Variants in CFAP299 observed in about 807,000 individuals in gnomAD.
CFAP299 encodes cilia- and flagella-associated protein 299.
CFAP299 carries 21 observed loss-of-function variants against 27.0 expected under a neutral mutation model. That is an observed-to-expected ratio of 0.78 (90% CI 0.55 to 1.12). The LOEUF (loss-of-function observed/expected upper bound fraction) is 1.12, where lower values mean the gene tolerates loss of function less well. Among genes scored for constraint, CFAP299 ranks in the 50% most tolerant of loss-of-function variants. CFAP299 has a pLI of 0.00. For synonymous variants in CFAP299, 104 were observed against 98.1 expected (o/e 1.06, Z -0.36); for missense variants, 310 against 276.6 (o/e 1.12, Z -0.86).
At chr4:80,394,242 T>C (rs1725652895) in intron 2 of CFAP299, among the ~76,000 whole-genome samples, 1 of 152,170 alleles carries the variant, frequency 6.6e-6, no homozygotes, top group Non-Finnish European at 1.5e-5. Flanking sequence ...ATGTCTTCTT[T>C]TGAAAAATAT....
intron 2 of CFAP299, among the ~76,000 whole-genome samples, chr4:80,451,247 C>T (rs913763194): frequency 2.6e-5 from 4 of 152,172 alleles, no homozygotes; most frequent in Non-Finnish European, 5.9e-5. Context: ...TGTGCAAGCA[C>T]ATAGCTGATA....
At chr4:80,761,040 G>C (rs774329399) in intron 3 of CFAP299, among the ~76,000 whole-genome samples, 24 of 151,994 alleles carry the variant, frequency 1.6e-4, no homozygotes, top group Non-Finnish European at 3.1e-4. Flanking sequence ...TTGTAAATTG[G>C]GCTATAAATG....
intron 3 of CFAP299, among the ~76,000 whole-genome samples, chr4:80,624,283 A>G (rs934507570): frequency 1.3e-5 from 2 of 152,132 alleles, no homozygotes; most frequent in African/African-American, 4.8e-5. Flanking sequence ...CCAGAATGAT[A>G]ATAATAGAGA....
At chr4:80,869,539 A>G (rs1732952420) in intron 3 of CFAP299, among the ~76,000 whole-genome samples, 1 of 152,142 alleles carries the variant, frequency 6.6e-6, no homozygotes, top group Non-Finnish European at 1.5e-5. Flanking sequence ...TTGGAGACGG[A>G]GTCTTGGTCT....
intron 2 of CFAP299, among the ~76,000 whole-genome samples, chr4:80,524,814 T>C (rs34938691): frequency 0.11 from 16,464 of 152,152 alleles, 1,021 homozygotes; most frequent in Middle Eastern, 0.21. Flanking sequence ...TATTATGTCA[T>C]GGTTTCTGTT....
chr4:80,636,843 C>G (rs1739483236), intron 3 of CFAP299, among the ~76,000 whole-genome samples: 5 of 152,098 alleles, frequency 3.3e-5, no homozygotes, highest in African/African-American at 9.7e-5. Flanking sequence ...CCAACAAAAC[C>G]TAAAATATTT....
At chr4:80,735,503 C>A (rs1015126437) in intron 3 of CFAP299, among the ~76,000 whole-genome samples, 2 of 152,088 alleles carry the variant, frequency 1.3e-5, no homozygotes, top group Non-Finnish European at 2.9e-5. Context: ...AGTGAGCATC[C>A]TTGTCGTGTT....
intron 3 of CFAP299, among the ~76,000 whole-genome samples, chr4:80,586,857 A>G (rs939439615): frequency 3.3e-5 from 5 of 152,184 alleles, no homozygotes; most frequent in South Asian, 2.1e-4. Flanking sequence ...AATGTTGACT[A>G]TGTAAACAGT....
intron 2 of CFAP299, among the ~76,000 whole-genome samples, chr4:80,408,704 A>G (rs1292800811): frequency 6.6e-6 from 1 of 152,092 alleles, no homozygotes; most frequent in Non-Finnish European, 1.5e-5. Context: ...TAAGTTATGT[A>G]CTGCCATTTG....
intron 4 of CFAP299, among the ~76,000 whole-genome samples, chr4:80,910,827 G>A (rs1347366101): frequency 6.6e-6 from 1 of 151,832 alleles, no homozygotes; most frequent in African/African-American, 2.4e-5. Context: ...AAAAATTATT[G>A]TCATCACTGA....
chr4:80,712,386 A>C (rs1387093460), intron 3 of CFAP299, among the ~76,000 whole-genome samples: 2 of 152,222 alleles, frequency 1.3e-5, no homozygotes, highest in Admixed American at 6.5e-5. Context: ...AAAACTTCAG[A>C]TAAGTACTAA....
intron 3 of CFAP299, among the ~76,000 whole-genome samples, chr4:80,584,635 G>A (rs555357366): frequency 2.0e-5 from 3 of 151,828 alleles, no homozygotes; most frequent in South Asian, 2.1e-4. Flanking sequence ...TTTCTTGGGC[G>A]GATCATCTTA....
chr4:80,462,466 C>A (rs1022882749), intron 2 of CFAP299, among the ~76,000 whole-genome samples: 1 of 152,160 alleles, frequency 6.6e-6, no homozygotes, highest in South Asian at 2.1e-4. Context: ...GCTAAACCAG[C>A]ACTCCTCAGG....
intron 3 of CFAP299, among the ~76,000 whole-genome samples, chr4:80,697,778 C>T (rs1441776122): frequency 6.6e-6 from 1 of 152,110 alleles, no homozygotes; most frequent in East Asian, 1.9e-4. Context: ...ATGTGGTCCT[C>T]TAATTTTGTG....
chr4:80,694,707 AT>A (rs1427763727), intron 3 of CFAP299, among the ~76,000 whole-genome samples: 6 of 152,184 alleles, frequency 3.9e-5, no homozygotes, highest in Non-Finnish European at 8.8e-5. Flanking sequence ...TTATCTTTAA[AT>A]GTCAATTGTG....
chr4:80,525,332 C>T (rs541534822), intron 2 of CFAP299, among the ~76,000 whole-genome samples: 12 of 152,184 alleles, frequency 7.9e-5, no homozygotes, highest in East Asian at 3.9e-4. Context: ...CATCATGCAA[C>T]GCCTGTGAAT....
chr4:80,659,933 T>C (rs539979050), intron 3 of CFAP299, among the ~76,000 whole-genome samples: 85 of 152,214 alleles, frequency 5.6e-4, no homozygotes, highest in African/African-American at 2.0e-3. Flanking sequence ...TAAAAATATT[T>C]AGGTAACTTT....
chr4:80,497,239 C>A (rs1274029965), intron 2 of CFAP299, among the ~76,000 whole-genome samples: 3 of 152,120 alleles, frequency 2.0e-5, no homozygotes, highest in Non-Finnish European at 4.4e-5. Context: ...CACTGCACTG[C>A]AGCCTGAGAG....
chr4:80,694,389 G>C (rs748460460), intron 3 of CFAP299, among the ~76,000 whole-genome samples: 4 of 152,150 alleles, frequency 2.6e-5, no homozygotes, highest in Non-Finnish European at 4.4e-5. Context: ...CCAAATGCTG[G>C]TCACCACTAG....
Sources: allele counts gnomAD v4.1 joint callset (sites outside exome capture counted in the v4.1 genomes callset), GRCh38; gene constraint gnomAD v4.1.1; transcripts MANE v1.5; gene names NCBI Gene and HGNC (gene_info 2026-07-23, HGNC 2026-07-21).